FRMD4A: variants seen among roughly 807,000 people sequenced by gnomAD.
The protein encoded by FRMD4A is FERM domain-containing protein 4A.
Under a neutral mutation model 129.1 loss-of-function variants are expected in FRMD4A, and 29 were observed. The ratio of observed to expected loss-of-function variants is 0.22; its 90% CI spans 0.17 to 0.31. The LOEUF (loss-of-function observed/expected upper bound fraction) is 0.31. FRMD4A is among the 10% of genes least tolerant of loss of function. The pLI is 1.00. For synonymous variants in FRMD4A, 634 were observed against 571.6 expected, an observed-to-expected ratio of 1.11 and a Z score of -1.56; for missense variants, 1,272 against 1,375.8, an observed-to-expected ratio of 0.92 and a Z score of 1.19.
intron 2 of FRMD4A, among the ~76,000 whole-genome samples, chr10:13,896,490 A>AG (rs534772209): frequency 7.4e-4 from 113 of 152,238 alleles, no homozygotes; most frequent in Non-Finnish European, 1.1e-3. Context: ...GGACACAGGG[A>AG]GGGGAACATC....
Position 13,659,366 on chromosome 10 carries a change from G to C in FRMD4A, c.2023C>G (p.Pro675Ala). The C allele has an allele frequency of 6.2e-7, 1 of 1,614,176 alleles. No individual in the cohort carries two copies. Among genetic ancestry groups the C allele is most frequent in the Non-Finnish European group, 8.5e-7 (1 of 1,179,990 alleles). Reference sequence around the variant, plus strand: ...TGGGGACTCCGGACCCGCAGGTCTGGCGTGGACGGCATGCTGGACTGGGAG... The same window carrying C: ...TGGGGACTCCGGACCCGCAGGTCTGCCGTGGACGGCATGCTGGACTGGGAG... ...WNSQSSMPST[P>A]DLRVRSPHYV... Residue 675 changes from proline to alanine, a missense_variant, in exon 21 of 25, where the codon CCA (proline) becomes GCA (alanine). Pro to Ala is a conservative substitution (Grantham distance 27, BLOSUM62 -1). Transcript: ENST00000357447.
At chr10:14,127,518 C>G (rs1303287411) in intron 2 of FRMD4A, among the ~76,000 whole-genome samples, 2 of 152,164 alleles carry the variant, frequency 1.3e-5, no homozygotes, top group African/African-American at 2.4e-5. Flanking sequence ...TAAGATGGCA[C>G]TACAGCTAGA....
chr10:13,759,907 A>T (rs2092002629), intron 8 of FRMD4A, among the ~76,000 whole-genome samples: 1 of 152,028 alleles, frequency 6.6e-6, no homozygotes, highest in South Asian at 2.1e-4. Flanking sequence ...ATATTCAAAC[A>T]GAGCTGAAGA....
intron 18 of FRMD4A, among the ~76,000 whole-genome samples, chr10:13,665,712 C>A (rs1174500105): frequency 1.3e-5 from 2 of 152,314 alleles, no homozygotes; most frequent in East Asian, 3.9e-4. Context: ...GCTGTGTACC[C>A]CAGCCCCACC....
chr10:14,161,360 C>A lies in FRMD4A; in HGVS notation c.45+168698G>T, dbSNP rs191551329. On this transcript the variant is annotated intron_variant, in intron 2 of 24. Coordinates refer to ENST00000357447, the MANE Select transcript of FRMD4A (RefSeq NM_018027.5). ...AGGAAATCAGTGTATCAAAGAGATA[C>A]CTGCACCCCCATGTTTTTTGCAGGA... Among the ~76,000 whole-genome samples the A allele has an allele frequency of 4.3e-3, 659 of 152,296 alleles. 3 individuals carry two copies. Among genetic ancestry groups the A allele is most frequent in the Middle Eastern group, 0.01 (3 of 294 alleles).
At chr10:13,781,960 G>T (rs1406460822) in intron 6 of FRMD4A, among the ~76,000 whole-genome samples, 2 of 152,086 alleles carry the variant, frequency 1.3e-5, no homozygotes, top group African/African-American at 4.8e-5. Flanking sequence ...CTTAAAAATG[G>T]CGGAGACTAC....
intron 2 of FRMD4A, among the ~76,000 whole-genome samples, chr10:14,274,651 G>A (rs541202044): frequency 5.9e-5 from 9 of 152,318 alleles, no homozygotes; most frequent in Admixed American, 2.6e-4. Context: ...CTCCGCCAGG[G>A]ACGCTGAAGG....
chr10:14,117,822 G>A (rs1364174891), intron 2 of FRMD4A, among the ~76,000 whole-genome samples: 1 of 152,192 alleles, frequency 6.6e-6, no homozygotes, highest in African/African-American at 2.4e-5. Context: ...GCAGAAAGGA[G>A]TCCTTGTGAG....
chr10:13,954,128 G>A (rs1309092103), intron 2 of FRMD4A, among the ~76,000 whole-genome samples: 3 of 152,192 alleles, frequency 2.0e-5, no homozygotes, highest in African/African-American at 7.2e-5. Context: ...AGCCTTTGCT[G>A]CTTCTCCGCA....
intron 2 of FRMD4A, among the ~76,000 whole-genome samples, chr10:14,053,472 G>A (rs550004311): frequency 6.6e-6 from 1 of 152,134 alleles, no homozygotes; most frequent in Non-Finnish European, 1.5e-5. Context: ...TCTACCCCCA[G>A]TGGAAGCTGG....
At chr10:13,740,717 A>C in intron 9 of FRMD4A, 140 bp from the exon 10 acceptor site, 4 of 561,170 alleles carry the variant, frequency 7.1e-6, no homozygotes, top group Non-Finnish European at 1.3e-5. Context: ...TTTGTCCTGG[A>C]GTGGTATTTC....
chr10:13,840,376 ACT>A (rs777119051), intron 3 of FRMD4A, among the ~76,000 whole-genome samples: 1 of 152,248 alleles, frequency 6.6e-6, no homozygotes, highest in South Asian at 2.1e-4. Context: ...ACCTGCCGAG[ACT>A]CTGATCCTGG....
At position 14,056,654 on chromosome 10, in the gene FRMD4A, G is replaced by A. The variant is rs553518981; in HGVS notation, c.46-197742C>T. ...AACTGCTTCTTTGGGCCTCTGTGGT[G>A]TGCATGGTGTTGCTTGTTTGCTACT... On this transcript the variant is annotated intron_variant, in intron 2 of 24. Transcript: ENST00000357447. Among the ~76,000 whole-genome samples the A allele has an allele frequency of 2.0e-5, 3 of 152,260 alleles. No homozygotes were observed. The East Asian group carries it at 5.8e-4, about 29-fold the overall frequency.
chr10:14,036,516 C>G (rs916322142), intron 2 of FRMD4A, among the ~76,000 whole-genome samples: 2 of 152,160 alleles, frequency 1.3e-5, no homozygotes, highest in African/African-American at 4.8e-5. Flanking sequence ...CTTCTTAACC[C>G]GGATTGCTTG....
intron 11 of FRMD4A, among the ~76,000 whole-genome samples, chr10:13,739,555 C>T (rs1472353767): frequency 3.3e-5 from 5 of 152,208 alleles, no homozygotes; most frequent in Non-Finnish European, 7.3e-5. Context: ...CTTTGAAAAT[C>T]ACAAGCCCTG....
intron 2 of FRMD4A, among the ~76,000 whole-genome samples, chr10:13,861,359 A>G (rs1449017012): frequency 2.6e-5 from 4 of 152,200 alleles, no homozygotes; most frequent in Non-Finnish European, 5.9e-5. Context: ...CTATGAGAAA[A>G]TTATCTTATT....
intron 2 of FRMD4A, among the ~76,000 whole-genome samples, chr10:14,226,539 C>A (rs948507314): frequency 1.3e-5 from 2 of 152,174 alleles, no homozygotes; most frequent in African/African-American, 4.8e-5. Context: ...GGGCGCCATA[C>A]TGGAAGGATC....
At chr10:13,791,664 T>C (rs11258618) in intron 5 of FRMD4A, among the ~76,000 whole-genome samples, 21,472 of 152,228 alleles carry the variant, frequency 0.14, 1,887 homozygotes, top group Non-Finnish European at 0.2. Context: ...TGCTCTGTCC[T>C]TGGCTCCTAG....
At chr10:14,023,429 C>T (rs908836274) in intron 2 of FRMD4A, among the ~76,000 whole-genome samples, 4 of 152,192 alleles carry the variant, frequency 2.6e-5, no homozygotes, top group African/African-American at 7.2e-5. Context: ...ATAAAGAAAG[C>T]GCCAACCTTC....
Sources: allele counts gnomAD v4.1 joint callset (sites outside exome capture counted in the v4.1 genomes callset), GRCh38; gene constraint gnomAD v4.1.1; transcripts MANE v1.5; gene names NCBI Gene and HGNC (gene_info 2026-07-23, HGNC 2026-07-21).